The following ALK variants were observed in gnomAD, a reference collection of about 807,000 sequenced individuals.
The protein encoded by ALK is ALK receptor tyrosine kinase, also known as ALK tyrosine kinase receptor.
A neutral mutation model predicts 163.1 loss-of-function variants in ALK; 74 were observed. That is an observed-to-expected ratio of 0.45 (90% confidence interval 0.38 to 0.55). The LOEUF (loss-of-function observed/expected upper bound fraction) is 0.55. ALK is among the 20% of genes least tolerant of loss of function. The probability of loss-of-function intolerance (pLI) is 0.00; values close to 1 mark genes in which losing one functional copy is unlikely to be tolerated. For missense variants in ALK, 2,063 were observed against 2,105.3 expected, an observed-to-expected ratio of 0.98 and a Z score of 0.39; for synonymous variants, 960 against 843.2, an observed-to-expected ratio of 1.14 and a Z score of -2.40.
chr2:29,593,234 T>G (rs1675112849), intron 3 of ALK, among the ~76,000 whole-genome samples: 1 of 152,102 alleles, frequency 6.6e-6, no homozygotes, highest in African/African-American at 2.4e-5. Flanking sequence ...GGGGATTTTG[T>G]GGGAACAAAG....
intron 5 of ALK, among the ~76,000 whole-genome samples, chr2:29,361,115 G>A (rs540319911): frequency 1.3e-5 from 2 of 152,338 alleles, no homozygotes; most frequent in African/African-American, 2.4e-5. Context: ...ATGAATCCAC[G>A]AGCAGATCGC....
chr2:29,549,276 G>A (rs1194626300), intron 3 of ALK, among the ~76,000 whole-genome samples: 2 of 152,164 alleles, frequency 1.3e-5, no homozygotes, highest in African/African-American at 4.8e-5. Flanking sequence ...GGTTCAAGAT[G>A]AGTAGTGTTC....
chr2:29,491,619 T>C (rs1462172473), intron 4 of ALK, among the ~76,000 whole-genome samples: 22 of 152,182 alleles, frequency 1.4e-4, no homozygotes. Flanking sequence ...TTCAACAAAT[T>C]GAGGAGAGGA....
At chr2:29,808,275 G>A (rs1262047510) in intron 1 of ALK, among the ~76,000 whole-genome samples, 1 of 152,148 alleles carries the variant, frequency 6.6e-6, no homozygotes, top group African/African-American at 2.4e-5. Context: ...GAAATGACTT[G>A]CCCATAGTGT....
chr2:29,675,329 A>AT (rs950303549), intron 3 of ALK, among the ~76,000 whole-genome samples: 4 of 151,998 alleles, frequency 2.6e-5, no homozygotes, highest in Non-Finnish European at 4.4e-5. Context: ...AGCAGATTCT[A>AT]TTTTTTTCTC....
Position 29,602,717 on chromosome 2 carries a change from T to C in ALK, c.953-70601A>G, listed in dbSNP as rs1022482873. On this transcript the variant is annotated intron_variant, in intron 3 of 28. Coordinates refer to ENST00000389048, the MANE Select transcript of ALK (RefSeq NM_004304.5). ...AGTCCTGAACCTCTGCAAAAATACA[T>C]AATGATGCTAAAGAAGGTGGAAGGA... Among the ~76,000 whole-genome samples, 5 of 152,224 alleles carry C rather than the reference T, an allele frequency of 3.3e-5. 1 individual carries two copies. Among genetic ancestry groups the C allele is most frequent in the Admixed American group, 3.3e-4 (5 of 15,298 alleles).
At chr2:29,676,752 T>A (rs1035366623) in intron 3 of ALK, among the ~76,000 whole-genome samples, 1 of 152,068 alleles carries the variant, frequency 6.6e-6, no homozygotes, top group Non-Finnish European at 1.5e-5. Context: ...TTGAAGCTAT[T>A]GATATTTTCA....
Position 29,239,805 on chromosome 2 carries a change from C to T in ALK, c.2230G>A (p.Gly744Arg), listed in dbSNP as rs1168161055. ...ATCATGGTGTTCTTCCCGCCTTTCC[C>T]GCCAGCAGCTCCGTAGCCCGAGATG... is the stretch of plus-strand genomic sequence containing the variant. ...YSISGYGAAG[G>R]KGGKNTMMRS... The change falls in exon 13 of 29, where the codon GGG becomes AGG. Residue 744 changes from glycine (G) to arginine (R), a missense_variant. Gly to Arg is a moderately radical substitution (Grantham distance 125). This residue lies in a region of ALK where 15 missense variants were observed against 33.5 expected (regional missense o/e 0.45). Coordinates refer to ENST00000389048, the MANE Select transcript of ALK (RefSeq NM_004304.5). 3.1e-6 allele frequency: 5 copies of T among 1,613,854 alleles called. No homozygotes were observed. Among genetic ancestry groups the T allele is most frequent in the South Asian group, 2.2e-5 (2 of 91,082 alleles).
rs936743906 is a variant in ALK at position 29,815,415 on chromosome 2, C to T, written c.668-97718G>A. Among the ~76,000 whole-genome samples, 7 of 152,148 alleles carry T rather than the reference C, an allele frequency of 4.6e-5. No individual in the cohort carries two copies. In the South Asian group the frequency reaches 1.0e-3, roughly 23 times the overall value. On this transcript the variant is annotated intron_variant, in intron 1 of 28. Transcript: ENST00000389048. ...AGTGACCCCGCTATTCCTGGCCTAC[C>T]ATATGTTTAATATAAAGAGTTCTGT... is the stretch of plus-strand genomic sequence containing the variant.
chr2:29,786,776 T>G (rs564273184), intron 1 of ALK, among the ~76,000 whole-genome samples: 11 of 152,244 alleles, frequency 7.2e-5, no homozygotes, highest in African/African-American at 9.6e-5. Flanking sequence ...TGGGAGTTTT[T>G]TTTGTTTGTT....
chr2:29,343,515 A>G (rs1393246903), intron 5 of ALK, among the ~76,000 whole-genome samples: 5 of 152,108 alleles, frequency 3.3e-5, no homozygotes, highest in Non-Finnish European at 7.4e-5. Context: ...GCACCAGGCC[A>G]CCTGAGTGAT....
In ALK at chr2:29,192,860, T is replaced by C; in HGVS notation, c.*364A>G. The C allele has an allele frequency of 2.5e-6, 1 of 398,722 alleles. No individual in the cohort carries two copies. The highest frequency in any genetic ancestry group is 2.8e-5 in the South Asian group (1 of 35,612). The allele number at this position is 398,722 out of a possible 1,614,324, so 24.7% of individuals were successfully genotyped here. A position where few individuals can be genotyped will look rare whatever the true frequency, so the allele number is the denominator to read the frequency against. Reference sequence around the variant, plus strand: ...CATCAACAAGGCAAGGAAACATCTATGACCCCAACTATGAAACATAGAAGC... The same window carrying C: ...CATCAACAAGGCAAGGAAACATCTACGACCCCAACTATGAAACATAGAAGC... On this transcript the variant is annotated 3_prime_UTR_variant, in exon 29 of 29. Transcript: ENST00000389048.
At chr2:29,248,312 C>T (rs1664736972) in intron 12 of ALK, among the ~76,000 whole-genome samples, 1 of 152,114 alleles carries the variant, frequency 6.6e-6, no homozygotes, top group Non-Finnish European at 1.5e-5. Flanking sequence ...CCCGTCTCTA[C>T]TAAAAATACA....
chr2:29,421,683 C>A (rs928288583), intron 4 of ALK, among the ~76,000 whole-genome samples: 1 of 151,512 alleles, frequency 6.6e-6, no homozygotes. Context: ...CACTGTCTCA[C>A]GTTCAGCCTG....
chr2:29,878,328 A>C (rs985888626), intron 1 of ALK, among the ~76,000 whole-genome samples: 15 of 152,226 alleles, frequency 9.9e-5, no homozygotes, highest in African/African-American at 3.6e-4. Context: ...GATTGAAAAT[A>C]ACGAAAACTA....
At chr2:29,755,410 C>T (rs1046941835) in intron 1 of ALK, among the ~76,000 whole-genome samples, 2 of 152,200 alleles carry the variant, frequency 1.3e-5, no homozygotes, top group Admixed American at 6.5e-5. Flanking sequence ...AGGAACCTTG[C>T]GGTTTTAGGG....
chr2:29,274,488 G>T (rs775896790), intron 11 of ALK, among the ~76,000 whole-genome samples: 1 of 152,216 alleles, frequency 6.6e-6, no homozygotes, highest in African/African-American at 2.4e-5. Context: ...GCGGGGCTAG[G>T]TTCACAGCCG....
intron 1 of ALK, among the ~76,000 whole-genome samples, chr2:29,873,545 G>A (rs1186779981): frequency 6.6e-6 from 1 of 152,074 alleles, no homozygotes; most frequent in African/African-American, 2.4e-5. Context: ...GAAGTATAAG[G>A]GACAACTAAA....
intron 6 of ALK, among the ~76,000 whole-genome samples, chr2:29,321,836 G>T (rs1159471154): frequency 5.3e-5 from 8 of 152,216 alleles, no homozygotes; most frequent in Admixed American, 5.2e-4. Flanking sequence ...TATATCATCA[G>T]TGGGCTCAGC....
Sources: allele counts gnomAD v4.1 joint callset (sites outside exome capture counted in the v4.1 genomes callset), GRCh38; gene constraint gnomAD v4.1.1; regional missense constraint gnomAD v4.1.1; transcripts MANE v1.5; gene names NCBI Gene and HGNC (gene_info 2026-07-23, HGNC 2026-07-21).